CDK19: variants seen among roughly 807,000 people sequenced by gnomAD.
The protein encoded by CDK19 is cyclin dependent kinase 19.
CDK19 carries 20 observed loss-of-function variants against 68.3 expected under a neutral mutation model. The observed-to-expected ratio is 0.29, with a 90% CI of 0.21 to 0.43. The LOEUF (loss-of-function observed/expected upper bound fraction) is 0.43. Among genes scored for constraint, CDK19 ranks in the 20% least tolerant of loss-of-function variants. CDK19 has a pLI of 1.00. For synonymous variants in CDK19, 221 were observed against 222.8 expected (o/e 0.99, Z 0.07); for missense variants, 339 against 623.5 (o/e 0.54, Z 4.86).
Position 110,815,070 on chromosome 6 carries a change from C to G in CDK19, c.67G>C (p.Glu23Gln). The G allele has an allele frequency of 6.2e-7, 1 of 1,605,104 alleles. No individual in the cohort carries two copies. The highest frequency in any genetic ancestry group is 8.5e-7 in the Non-Finnish European group (1 of 1,176,604). ...GTGCCGCGTCCCACTTTGCACCCTT[C>G]GTACTCAAACAAATCCTCCACCCGC... The part of the protein sequence containing the change: ...RERVEDLFEY[E>Q]GCKVGRGTYG... The change falls in exon 1 of 13, where the codon GAA becomes CAA. Residue 23 changes from glutamate to glutamine, a missense_variant. By Grantham distance (29) the Glu-to-Gln change is conservative. Transcript: ENST00000368911.
In CDK19 at chr6:110,611,117, G is replaced by C. The variant is rs1283581716; in HGVS notation, c.*3418C>G. 6.6e-6 allele frequency: 1 copy of C among 152,144 alleles called. No homozygotes were observed. The highest frequency in any genetic ancestry group is 2.4e-5 in the African/African-American group (1 of 41,428). The allele number at this position is 152,144 out of a possible 1,614,324, so 9.4% of individuals were successfully genotyped here. ...ACTGCATGATCTACTTCATCACAAG[G>C]ATTGTTTCAGCCTCATAGTATCAGC... is the stretch of plus-strand genomic sequence containing the variant. On this transcript the variant is annotated 3_prime_UTR_variant, in exon 13 of 13. Coordinates refer to ENST00000368911, the MANE Select transcript of CDK19 (RefSeq NM_015076.5).
chr6:110,646,192 G>A lies in CDK19; in HGVS notation c.457-7486C>T, dbSNP rs1582766443. 3.8e-6 allele frequency: 5 copies of A among 1,304,568 alleles called. No individual in the cohort carries two copies. In the East Asian group the frequency reaches 1.3e-4, roughly 33 times the overall value. The allele number at this position is 1,304,568 out of a possible 1,614,324, so 80.8% of individuals were successfully genotyped here. A position where few individuals can be genotyped will look rare whatever the true frequency, so the allele number is the denominator to read the frequency against. ...ACCGGCCACCAGAGCCTGTTCCTCC[G>A]CATCCTCAGCAACTCGTCGGGGTCC... On this transcript the variant is annotated intron_variant, in intron 4 of 12. Coordinates refer to ENST00000368911, the MANE Select transcript of CDK19 (RefSeq NM_015076.5).
At chr6:110,734,865 A>G (rs1325245207) in intron 2 of CDK19, among the ~76,000 whole-genome samples, 1 of 152,182 alleles carries the variant, frequency 6.6e-6, no homozygotes, top group Non-Finnish European at 1.5e-5. Flanking sequence ...CACAATGCCT[A>G]GATTATAATA....
chr6:110,681,601 A>G (rs1312837643), intron 2 of CDK19, among the ~76,000 whole-genome samples: 1 of 152,190 alleles, frequency 6.6e-6, no homozygotes, highest in Admixed American at 6.5e-5. Flanking sequence ...GGACACAGTG[A>G]AAGGAGATGG....
At position 110,669,270 on chromosome 6, in the gene CDK19, T is replaced by A. The variant is rs563211243; in HGVS notation, c.315+1161A>T. Among the ~76,000 whole-genome samples the A allele has an allele frequency of 2.6e-5, 4 of 152,334 alleles. No homozygotes were observed. In the East Asian group the frequency reaches 7.7e-4, roughly 29 times the overall value. ...TAAGACCTGAGTCTGTTAAAGTTAT[T>A]CCTCAACAGATTTATAACTTATATA... is the stretch of plus-strand genomic sequence containing the variant. On this transcript the variant is annotated intron_variant, in intron 3 of 12. Transcript: ENST00000368911.
rs138136394 is a variant in CDK19 at position 110,747,599 on chromosome 6, T to C, written c.129-1398A>G. On this transcript the variant is annotated intron_variant, in intron 1 of 12. Coordinates refer to ENST00000368911, the MANE Select transcript of CDK19 (RefSeq NM_015076.5). ...CAAAAAATTAACAGTTACGTTAAGA[T>C]ATAGGAAGTTATGTCAACTAACTTT... Among the ~76,000 whole-genome samples the C allele has an allele frequency of 5.9e-5, 9 of 152,284 alleles. No individual in the cohort carries two copies. The East Asian group carries it at 1.7e-3, about 29-fold the overall frequency.
At chr6:110,672,158 A>AC (rs1562181998) in intron 2 of CDK19, among the ~76,000 whole-genome samples, 1 of 152,102 alleles carries the variant, frequency 6.6e-6, no homozygotes, top group Non-Finnish European at 1.5e-5. Flanking sequence ...AAGAGACTTC[A>AC]CCCCAGGCAC....
At chr6:110,661,470 C>A (rs1307612136) in intron 4 of CDK19, among the ~76,000 whole-genome samples, 1 of 151,848 alleles carries the variant, frequency 6.6e-6, no homozygotes, top group Admixed American at 6.6e-5. Flanking sequence ...GAGATGGGGT[C>A]TCACTATGTT....
chr6:110,813,204 AG>A (rs1033604827), intron 1 of CDK19: 8 of 152,216 alleles, frequency 5.3e-5, no homozygotes, highest in Admixed American at 4.6e-4. Context: ...ATATTCAAAA[AG>A]AATAGAAGCA....
intron 1 of CDK19, 156 bp downstream of exon 1, chr6:110,814,853 G>A (rs906721784): frequency 4.2e-6 from 4 of 951,874 alleles, no homozygotes; most frequent in South Asian, 2.9e-5. Context: ...CGGGCGGAAC[G>A]GGCGCCCCTC....
chr6:110,661,294 G>A (rs972679895), intron 4 of CDK19, among the ~76,000 whole-genome samples: 1 of 152,180 alleles, frequency 6.6e-6, no homozygotes, highest in South Asian at 2.1e-4. Flanking sequence ...TAGGCCCATT[G>A]TATGTTGAAG....
intron 2 of CDK19, among the ~76,000 whole-genome samples, chr6:110,708,227 G>A (rs1774674459): frequency 6.6e-6 from 1 of 152,086 alleles, no homozygotes; most frequent in African/African-American, 2.4e-5. Context: ...ATTGCCAAGG[G>A]TTCTATTCAA....
At chr6:110,808,957 G>A (rs867199335) in intron 1 of CDK19, among the ~76,000 whole-genome samples, 5 of 151,614 alleles carry the variant, frequency 3.3e-5, no homozygotes, top group African/African-American at 7.3e-5. Flanking sequence ...TTGTAATCCC[G>A]GCACTTTGGG....
intron 2 of CDK19, among the ~76,000 whole-genome samples, chr6:110,684,526 C>T (rs868071685): frequency 6.6e-6 from 1 of 152,080 alleles, no homozygotes; most frequent in Non-Finnish European, 1.5e-5. Context: ...AAAAAAGTAT[C>T]GACTTATTCT....
intron 2 of CDK19, among the ~76,000 whole-genome samples, chr6:110,702,261 C>T (rs1774073720): frequency 6.6e-6 from 1 of 152,084 alleles, no homozygotes; most frequent in Non-Finnish European, 1.5e-5. Flanking sequence ...GACTGGACAA[C>T]ATAGTGAGAC....
chr6:110,730,310 T>C (rs957462574), intron 2 of CDK19, among the ~76,000 whole-genome samples: 24 of 152,218 alleles, frequency 1.6e-4, no homozygotes, highest in Non-Finnish European at 1.0e-4. Flanking sequence ...CCATGCAGAA[T>C]TGGATGGTTA....
chr6:110,685,282 C>T (rs547645921), intron 2 of CDK19, among the ~76,000 whole-genome samples: 42 of 152,290 alleles, frequency 2.8e-4, no homozygotes, highest in Non-Finnish European at 5.0e-4. Context: ...CTTCTCTCTG[C>T]CTAGAAAGGT....
At chr6:110,759,428 A>ATATATATATATATATATATATATATAT (rs1554219514) in intron 1 of CDK19, among the ~76,000 whole-genome samples, 1 of 50,900 alleles carries the variant, frequency 2.0e-5, no homozygotes, top group Non-Finnish European at 3.3e-5. Context: ...AAAAAAAAAA[A>ATATATATATATATATATATATATATAT]ATATATATAT....
At chr6:110,744,559 C>T (rs979768382) in intron 2 of CDK19, among the ~76,000 whole-genome samples, 10 of 152,050 alleles carry the variant, frequency 6.6e-5, no homozygotes, top group African/African-American at 2.4e-4. Flanking sequence ...ATAAAAGTAA[C>T]ACAAACTTAG....
Sources: allele counts gnomAD v4.1 joint callset (sites outside exome capture counted in the v4.1 genomes callset), GRCh38; gene constraint gnomAD v4.1.1; transcripts MANE v1.5; gene names NCBI Gene and HGNC (gene_info 2026-07-23, HGNC 2026-07-21).